Variants in WIPF3 observed in about 807,000 individuals in gnomAD.
WIPF3 encodes the protein WAS/WASL-interacting protein family member 3.
WIPF3 carries 33 observed loss-of-function variants against 38.9 expected under a neutral mutation model. That is an observed-to-expected ratio of 0.85 (90% CI 0.64 to 1.14). The LOEUF is 1.14. WIPF3 is among the 50% of genes most tolerant of loss of function. WIPF3 has a pLI of 0.00. For synonymous variants in WIPF3, 324 were observed against 269.3 expected (o/e 1.20, Z -1.99); for missense variants, 711 against 652.5 (o/e 1.09, Z -0.98).
At chr7:29,869,321 C>T (rs1398163963) in intron 2 of WIPF3, among the ~76,000 whole-genome samples, 1 of 152,208 alleles carries the variant, frequency 6.6e-6, no homozygotes, top group Non-Finnish European at 1.5e-5. Context: ...AGCCACTGCG[C>T]CCCACCTGTA....
chr7:29,891,716 C>G (rs1421779009), intron 7 of WIPF3, among the ~76,000 whole-genome samples: 1 of 152,166 alleles, frequency 6.6e-6, no homozygotes, highest in East Asian at 1.9e-4. Context: ...AAGAAACAAG[C>G]TCTCCTCCAC....
chr7:29,842,890 C>T (rs1462016430), intron 2 of WIPF3, among the ~76,000 whole-genome samples: 2 of 152,180 alleles, frequency 1.3e-5, no homozygotes, highest in Non-Finnish European at 2.9e-5. Context: ...AAAATTCTTA[C>T]ACACTGTCAC....
At position 29,888,160 on chromosome 7, in the gene WIPF3, T is replaced by C. The variant is rs745577792; in HGVS notation, c.1192T>C (p.Trp398Arg). The change falls in exon 6 of 9, where the codon TGG (tryptophan) becomes CGG (arginine). Residue 398 changes from tryptophan to arginine, a missense_variant. Transcript: ENST00000242140. ...AAGCAAGAGCCAGCAGGCCACAGCC[T>C]GGACCCCGACGCAGCAGCCTGGAGG... Reference protein sequence around the residue: ...LSSKSQQATAWTPTQQPGGQL... With the variant: ...LSSKSQQATARTPTQQPGGQL... The C allele has an allele frequency of 9.9e-6, 16 of 1,613,578 alleles. No homozygotes were observed. The South Asian group carries it at 1.6e-4, about 17-fold the overall frequency.
rs1297792887 is a variant in WIPF3, at chr7:29,823,459, T to C, written c.-57-11209T>C. Among the ~76,000 whole-genome samples, 2 of 152,234 alleles carry C rather than the reference T, an allele frequency of 1.3e-5. No homozygotes were observed. Among genetic ancestry groups the C allele is most frequent in the East Asian group, 3.8e-4 (2 of 5,196 alleles). ...CTCTTCCCTTTTCTAGTTTGCAATA[T>C]TTTTCTTTAATAATCATTAAGATGA... On this transcript the variant is annotated intron_variant, in intron 1 of 8. Transcript: ENST00000242140. The surrounding 1 kb of genome is among the most constrained non-coding windows in gnomAD (Gnocchi z 4.0).
intron 1 of WIPF3, among the ~76,000 whole-genome samples, chr7:29,830,019 C>T (rs1408364058): frequency 2.0e-5 from 3 of 152,074 alleles, no homozygotes; most frequent in Non-Finnish European, 4.4e-5. Context: ...GCGTGCAGCC[C>T]CTGACTTCCT....
intron 8 of WIPF3, 79 bp downstream of exon 8, chr7:29,904,441 C>T (rs1429250882): frequency 2.1e-6 from 3 of 1,427,746 alleles, no homozygotes; most frequent in Admixed American, 1.7e-5. Context: ...GGTATGCTTT[C>T]TCCTAAACAG....
intron 2 of WIPF3, among the ~76,000 whole-genome samples, chr7:29,859,580 A>C (rs753900343): frequency 6.6e-6 from 1 of 152,186 alleles, no homozygotes; most frequent in Admixed American, 6.5e-5. Context: ...CAGCAGAGAC[A>C]GGATATATGA....
intron 4 of WIPF3, among the ~76,000 whole-genome samples, chr7:29,882,008 A>G (rs931035705): frequency 1.3e-5 from 2 of 151,990 alleles, no homozygotes; most frequent in African/African-American, 2.4e-5. Flanking sequence ...CTGCACTTAC[A>G]CCATCAGCCC....
rs201819942 is a variant in WIPF3 at position 29,888,198 on chromosome 7, T to C, written c.1230T>C (p.Asn410=). The change falls in exon 6 of 9, where the codon AAT becomes AAC. Residue 410 remains asparagine (N), a synonymous_variant. Transcript: ENST00000242140. ...AGCAGCCTGGAGGTCAACTGCGAAA[T>C]GGAAGCCTGCACATCATTGGTAAGT... ...PTQQPGGQLR[N]GSLHIIDDFE... 6.2e-7 allele frequency: 1 copy of C among 1,610,752 alleles called. No individual in the cohort carries two copies. The highest frequency in any genetic ancestry group is 8.5e-7 in the Non-Finnish European group (1 of 1,178,494).
At chr7:29,857,644 C>T (rs1164678745) in intron 2 of WIPF3, among the ~76,000 whole-genome samples, 2 of 152,136 alleles carry the variant, frequency 1.3e-5, no homozygotes, top group Non-Finnish European at 2.9e-5. Context: ...TCTACATTCT[C>T]CCACCTCCTA....
chr7:29,834,592 A>G lies in WIPF3; in HGVS notation c.-57-76A>G, dbSNP rs1432713136. 1.9e-5 allele frequency: 24 copies of G among 1,242,256 alleles called. No individual in the cohort carries two copies. The East Asian group carries it at 5.5e-4, about 29-fold the overall frequency. The allele number at this position is 1,242,256 out of a possible 1,614,324, so 77.0% of individuals were successfully genotyped here. A position where few individuals can be genotyped will look rare whatever the true frequency, so the allele number is the denominator to read the frequency against. On this transcript the variant is annotated intron_variant, in intron 1 of 8. Transcript: ENST00000242140. Reference sequence around the variant, plus strand: ...AAGAATCAAGCTGACTATAATATGCATGTCTGCAAGATACACATTTCCTGC... The same window carrying G: ...AAGAATCAAGCTGACTATAATATGCGTGTCTGCAAGATACACATTTCCTGC...
Position 29,844,881 on chromosome 7 carries a change from C to T in WIPF3, c.90+10067C>T, listed in dbSNP as rs1784974080. Among the ~76,000 whole-genome samples the T allele has an allele frequency of 6.6e-6, 1 of 152,168 alleles. No homozygotes were observed. The highest frequency in any genetic ancestry group is 2.1e-4 in the South Asian group (1 of 4,836). ...CCCGGCTGTGCTCTGAAGCGCTAAA[C>T]CAAAAGCCCTTCGATGCAGATCTTC... is the stretch of plus-strand genomic sequence containing the variant. On this transcript the variant is annotated intron_variant, in intron 2 of 8. Coordinates refer to ENST00000242140, the MANE Select transcript of WIPF3 (RefSeq NM_001080529.3). This position sits in a 1 kb window ranked among gnomAD's most constrained non-coding sequence, Gnocchi z 4.8.
intron 6 of WIPF3, among the ~76,000 whole-genome samples, chr7:29,888,470 A>T (rs1240267404): frequency 1.3e-5 from 2 of 151,044 alleles, no homozygotes; most frequent in Non-Finnish European, 2.9e-5. Flanking sequence ...GAAAAGCAGC[A>T]TTTAAACTGT....
At chr7:29,860,288 G>A (rs1785252788) in intron 2 of WIPF3, among the ~76,000 whole-genome samples, 1 of 152,114 alleles carries the variant, frequency 6.6e-6, no homozygotes, top group Non-Finnish European at 1.5e-5. Context: ...AAACCTCATT[G>A]TGAAATGTGA....
chr7:29,827,688 A>G (rs1784645720), intron 1 of WIPF3, among the ~76,000 whole-genome samples: 1 of 152,202 alleles, frequency 6.6e-6, no homozygotes. Flanking sequence ...TTTATAGCCA[A>G]AGAAACAAGG....
chr7:29,884,982 A>G (rs567885859), intron 5 of WIPF3, among the ~76,000 whole-genome samples: 12 of 152,204 alleles, frequency 7.9e-5, no homozygotes, highest in African/African-American at 2.6e-4. Flanking sequence ...CCAACTCCCA[A>G]TCTCCTCCCT....
rs1296647044 is a variant in WIPF3, at chr7:29,883,883, C to T, written c.389C>T (p.Ala130Val). ...GKTGQGPGSR[A>V]PSPRLPNKTI... ...ACAGGGCAGGGCCCTGGCTCCCGCG[C>T]GCCCTCTCCCAGGCTTCCCAACAAA... The change falls in exon 5 of 9, where the codon GCG becomes GTG. Residue 130 changes from alanine to valine, a missense_variant. Transcript: ENST00000242140. 2.5e-6 allele frequency: 4 copies of T among 1,570,964 alleles called. No individual in the cohort carries two copies. The highest frequency in any genetic ancestry group is 3.5e-6 in the Non-Finnish European group (4 of 1,155,146).
chr7:29,825,926 C>T (rs1784608631), intron 1 of WIPF3, among the ~76,000 whole-genome samples: 2 of 152,126 alleles, frequency 1.3e-5, no homozygotes, highest in South Asian at 2.1e-4. Context: ...TTTCTGGAGC[C>T]GATGTCTGGG....
At chr7:29,842,102 T>A (rs1784922984) in intron 2 of WIPF3, among the ~76,000 whole-genome samples, 1 of 152,222 alleles carries the variant, frequency 6.6e-6, no homozygotes, top group African/African-American at 2.4e-5. Flanking sequence ...TCTCCCTACA[T>A]GTCACTGACC....
Sources: allele counts gnomAD v4.1 joint callset (sites outside exome capture counted in the v4.1 genomes callset), GRCh38; gene constraint gnomAD v4.1.1; non-coding constraint Gnocchi (gnomAD v3.1); transcripts MANE v1.5; gene names NCBI Gene and HGNC (gene_info 2026-07-23, HGNC 2026-07-21).